The following CNTLN variants were observed in gnomAD, a reference collection of about 807,000 sequenced individuals.
The protein encoded by CNTLN is centlein, centrosomal protein.
In CNTLN, 212 loss-of-function variants were observed where a neutral mutation model predicts 180.0. That is an observed-to-expected ratio of 1.18 (90% CI 1.05 to 1.32). CNTLN has a LOEUF of 1.32. CNTLN is among the 40% of genes most tolerant of loss of function. CNTLN has a pLI of 0.00. For missense variants in CNTLN, 2,095 were observed against 1,610.9 expected, an observed-to-expected ratio of 1.30 and a Z score of -5.14; for synonymous variants, 722 against 563.1, an observed-to-expected ratio of 1.28 and a Z score of -3.99.
intron 18 of CNTLN, among the ~76,000 whole-genome samples, chr9:17,456,512 T>C (rs1310553019): frequency 6.6e-6 from 1 of 152,128 alleles, no homozygotes; most frequent in African/African-American, 2.4e-5. Flanking sequence ...TATATAATTA[T>C]GGTATAGTTT....
chr9:17,417,569 A>AT (rs1828361862), intron 18 of CNTLN, among the ~76,000 whole-genome samples: 1 of 152,088 alleles, frequency 6.6e-6, no homozygotes, highest in Non-Finnish European at 1.5e-5. Context: ...ATAAGAGTAA[A>AT]TTCTGATATT....
intron 18 of CNTLN, chr9:17,448,507 G>A (rs1321121628): frequency 6.6e-6 from 1 of 152,184 alleles, no homozygotes; most frequent in Non-Finnish European, 1.5e-5. Flanking sequence ...CCTCTTGGTG[G>A]AAGAGGCTCC....
At chr9:17,300,930 C>T (rs1818300630) in intron 7 of CNTLN, 1 of 970,006 alleles carries the variant, frequency 1.0e-6, no homozygotes, top group Non-Finnish European at 1.2e-6. Flanking sequence ...ATTTTACTTC[C>T]TTTATTCTAC....
intron 6 of CNTLN, among the ~76,000 whole-genome samples, chr9:17,277,319 T>TCTACCTAA (rs1828375348): frequency 6.6e-6 from 1 of 152,016 alleles, no homozygotes; most frequent in African/African-American, 2.4e-5. Context: ...GATGAGAATT[T>TCTACCTAA]TTGTTAGAAA....
At chr9:17,225,109 T>G (rs932183560) in intron 2 of CNTLN, among the ~76,000 whole-genome samples, 3 of 152,016 alleles carry the variant, frequency 2.0e-5, no homozygotes, top group African/African-American at 7.2e-5. Context: ...GCAGGGTGTT[T>G]TGGCTCAACT....
intron 2 of CNTLN, among the ~76,000 whole-genome samples, chr9:17,175,247 T>G (rs1448041481): frequency 6.6e-6 from 1 of 152,182 alleles, no homozygotes; most frequent in Non-Finnish European, 1.5e-5. Context: ...CTCTTATTTT[T>G]TTTCCTAAAA....
chr9:17,407,123 G>A (rs1261413388), intron 15 of CNTLN, among the ~76,000 whole-genome samples: 2 of 152,174 alleles, frequency 1.3e-5, no homozygotes, highest in African/African-American at 2.4e-5. Flanking sequence ...ATAACTTGTA[G>A]ATTTGATCAA....
intron 8 of CNTLN, among the ~76,000 whole-genome samples, chr9:17,317,977 G>A (rs183988360): frequency 2.2e-4 from 33 of 151,858 alleles, no homozygotes; most frequent in Admixed American, 2.1e-3. Flanking sequence ...ACCTATTGGG[G>A]TGACTTATTC....
At chr9:17,483,741 A>G (rs1419799945) in intron 23 of CNTLN, among the ~76,000 whole-genome samples, 1 of 152,164 alleles carries the variant, frequency 6.6e-6, no homozygotes, top group Admixed American at 6.5e-5. Context: ...TCAATCCTTC[A>G]TTGTTGTCTT....
intron 15 of CNTLN, among the ~76,000 whole-genome samples, chr9:17,396,964 T>C (rs1264569026): frequency 1.3e-5 from 2 of 152,134 alleles, no homozygotes; most frequent in African/African-American, 4.8e-5. Flanking sequence ...AGGTAAAAAC[T>C]TACTTCCCAC....
intron 13 of CNTLN, among the ~76,000 whole-genome samples, chr9:17,380,232 G>C (rs952592535): frequency 1.3e-5 from 2 of 152,166 alleles, no homozygotes; most frequent in Admixed American, 6.5e-5. Flanking sequence ...ATAGACCTGA[G>C]GCATTGGGGG....
At chr9:17,383,073 T>C (rs1304738738) in intron 13 of CNTLN, among the ~76,000 whole-genome samples, 1 of 152,046 alleles carries the variant, frequency 6.6e-6, no homozygotes, top group Non-Finnish European at 1.5e-5. Flanking sequence ...TAAAGCCTTT[T>C]TCTGTTCTCT....
intron 6 of CNTLN, among the ~76,000 whole-genome samples, 152 bp from the exon 7 acceptor site, chr9:17,298,036 AAT>A (rs1818071985): frequency 6.6e-6 from 1 of 152,324 alleles, no homozygotes; most frequent in East Asian, 1.9e-4. Flanking sequence ...ATAAATATTA[AAT>A]ATGTCATTAT....
chr9:17,407,200 G>A (rs1827461165), intron 15 of CNTLN, among the ~76,000 whole-genome samples: 1 of 152,158 alleles, frequency 6.6e-6, no homozygotes, highest in African/African-American at 2.4e-5. Flanking sequence ...AAGTGTAGTT[G>A]TGACATTAAA....
chr9:17,305,990 A>G (rs1252903403), intron 7 of CNTLN, among the ~76,000 whole-genome samples: 2 of 152,120 alleles, frequency 1.3e-5, no homozygotes, highest in African/African-American at 4.8e-5. Flanking sequence ...AAGGATGGAT[A>G]TTCAGTGCAA....
chr9:17,213,731 T>C (rs1823509155), intron 2 of CNTLN, among the ~76,000 whole-genome samples: 1 of 152,226 alleles, frequency 6.6e-6, no homozygotes, highest in African/African-American at 2.4e-5. Context: ...TTTATGAATC[T>C]GGGTGCTCCT....
intron 5 of CNTLN, among the ~76,000 whole-genome samples, chr9:17,237,972 G>T (rs894992229): frequency 1.3e-5 from 2 of 151,998 alleles, no homozygotes; most frequent in African/African-American, 4.8e-5. Flanking sequence ...CAAATTGGAA[G>T]TGTGATAAGG....
rs1197871320 is a variant in CNTLN, at chr9:17,388,033, A to G, written c.1988-129A>G. 8.1e-6 allele frequency: 4 copies of G among 495,560 alleles called. No individual in the cohort carries two copies. In the East Asian group the frequency reaches 1.3e-4, roughly 16 times the overall value. The allele number at this position is 495,560 out of a possible 1,614,324, so 30.7% of individuals were successfully genotyped here. A position where few individuals can be genotyped will look rare whatever the true frequency, so the allele number is the denominator to read the frequency against. On this transcript the variant is annotated intron_variant, in intron 13 of 25. Transcript: ENST00000380647. Reference sequence around the variant, plus strand: ...AAGGGTCATTGTTTAGTTACTGGCCAAATACTTGACAAGAAAATAGCCTAG... The same window carrying G: ...AAGGGTCATTGTTTAGTTACTGGCCGAATACTTGACAAGAAAATAGCCTAG...
chr9:17,365,467 C>T (rs1030597217), intron 12 of CNTLN, among the ~76,000 whole-genome samples: 1 of 152,060 alleles, frequency 6.6e-6, no homozygotes, highest in Non-Finnish European at 1.5e-5. Flanking sequence ...ATACACCATC[C>T]CTACTCAGGT....
Sources: allele counts gnomAD v4.1 joint callset (sites outside exome capture counted in the v4.1 genomes callset), GRCh38; gene constraint gnomAD v4.1.1; transcripts MANE v1.5; gene names NCBI Gene and HGNC (gene_info 2026-07-23, HGNC 2026-07-21).